HPF1: variants seen among roughly 807,000 people sequenced by gnomAD.
HPF1 encodes histone PARylation factor 1.
HPF1 carries 35 observed loss-of-function variants against 38.8 expected under a neutral mutation model. That is an observed-to-expected ratio of 0.90 (90% CI 0.69 to 1.19). The LOEUF (loss-of-function observed/expected upper bound fraction) is 1.19. Ranked by LOEUF, HPF1 falls within the 50% of genes most tolerant of loss-of-function variation. The probability of loss-of-function intolerance (pLI) is 0.00; values close to 1 mark genes in which losing one functional copy is unlikely to be tolerated. For synonymous variants in HPF1, 115 were observed against 139.2 expected (o/e 0.83, Z 1.22); for missense variants, 367 against 405.8 (o/e 0.90, Z 0.82).
intron 7 of HPF1, among the ~76,000 whole-genome samples, chr4:169,731,239 T>A (rs533897904): frequency 1.3e-5 from 2 of 152,352 alleles, no homozygotes; most frequent in East Asian, 3.9e-4. Flanking sequence ...TAAAACAGCA[T>A]CTCTTATAAA....
At chr4:169,755,106 GA>G (rs1581325238) in intron 1 of HPF1, among the ~76,000 whole-genome samples, 1 of 119,498 alleles carries the variant, frequency 8.4e-6, no homozygotes, top group East Asian at 2.6e-4. Flanking sequence ...TCAGTAGTCT[GA>G]AGTTTATTAA....
intron 5 of HPF1, among the ~76,000 whole-genome samples, chr4:169,740,653 G>T (rs985648395): frequency 6.6e-6 from 1 of 152,182 alleles, no homozygotes; most frequent in East Asian, 1.9e-4. Context: ...TTAAAAACAT[G>T]ATTGTCTTGA....
At chr4:169,747,504 C>T (rs950761921) in intron 4 of HPF1, among the ~76,000 whole-genome samples, 5 of 152,032 alleles carry the variant, frequency 3.3e-5, no homozygotes, top group Admixed American at 1.3e-4. Context: ...AGAGACAGTA[C>T]TAAAAGAGGT....
intron 5 of HPF1, among the ~76,000 whole-genome samples, chr4:169,741,606 A>AATGT (rs1392283460): frequency 2.0e-5 from 3 of 152,240 alleles, no homozygotes; most frequent in African/African-American, 7.2e-5. Context: ...TACTGGAGAA[A>AATGT]ATGTATGTAT....
intron 1 of HPF1, among the ~76,000 whole-genome samples, chr4:169,755,982 G>T (rs904039204): frequency 3.3e-5 from 5 of 152,028 alleles, no homozygotes; most frequent in African/African-American, 1.2e-4. Context: ...ATTATGCCAA[G>T]GATTATAATG....
At position 169,741,984 on chromosome 4, in the gene HPF1, G is replaced by T; in HGVS notation, c.621C>A (p.Thr207=). 6.2e-7 allele frequency: 1 copy of T among 1,613,434 alleles called. No homozygotes were observed. The change falls in exon 5 of 8, where the codon ACC becomes ACA. Residue 207 remains threonine (T), a synonymous_variant. Transcript: ENST00000393381. Reference sequence around the variant, plus strand: ...TCTTATCTCTCTGTTTCATCTTCACGGTTCTCTGTTCAAGCGAGTACCCCA... The same window carrying T: ...TCTTATCTCTCTGTTTCATCTTCACTGTTCTCTGTTCAAGCGAGTACCCCA... ...RELGYSLEQR[T]VKMKQRDKKV...
intron 2 of HPF1, among the ~76,000 whole-genome samples, chr4:169,753,028 G>GTTTTT (rs71590035): frequency 0.039 from 4,036 of 103,866 alleles, 352 homozygotes; most frequent in African/African-American, 0.095. Flanking sequence ...CCTTGGTTAG[G>GTTTTT]TTTTTTTTTT....
chr4:169,757,785 C>T (rs1242712069), intron 1 of HPF1, 45 bp downstream of exon 1: 1 of 1,522,542 alleles, frequency 6.6e-7, no homozygotes, highest in Non-Finnish European at 8.8e-7. Flanking sequence ...CCCTGGCTGT[C>T]ACCCAAAGCG....
In HPF1 at chr4:169,733,046, T is replaced by TA. The variant is rs923235590; in HGVS notation, c.737-1171dup. Among the ~76,000 whole-genome samples the TA allele has an allele frequency of 3.3e-5, 5 of 152,090 alleles. 1 individual carries two copies. Among genetic ancestry groups the TA allele is most frequent in the South Asian group, 4.2e-4 (2 of 4,816 alleles). On this transcript the variant is annotated intron_variant, in intron 6 of 7. Transcript: ENST00000393381. ...TTTTGCCCTGTCCTACCTTGTTTGC[T>TA]AAAAAAAATTACTGACTTGTGACTT...
intron 4 of HPF1, among the ~76,000 whole-genome samples, chr4:169,742,662 G>C (rs777193526): frequency 6.6e-6 from 1 of 152,146 alleles, no homozygotes; most frequent in Non-Finnish European, 1.5e-5. Flanking sequence ...CGTGATGGCG[G>C]GCGCCTGTAG....
At chr4:169,747,759 G>A (rs1214315092) in intron 4 of HPF1, among the ~76,000 whole-genome samples, 1 of 152,144 alleles carries the variant, frequency 6.6e-6, no homozygotes, top group Non-Finnish European at 1.5e-5. Context: ...GCAATACTTT[G>A]AAATCTCAGA....
chr4:169,732,669 C>A (rs1379543609), intron 6 of HPF1, among the ~76,000 whole-genome samples: 1 of 152,158 alleles, frequency 6.6e-6, no homozygotes, highest in African/African-American at 2.4e-5. Flanking sequence ...TACTATCTGG[C>A]TGTACATGGA....
chr4:169,735,918 G>A (rs1733885870), intron 6 of HPF1, among the ~76,000 whole-genome samples: 1 of 143,460 alleles, frequency 7.0e-6, no homozygotes, highest in Admixed American at 6.8e-5. Flanking sequence ...AACAGGTGGG[G>A]CAGGAGAAGG....
At chr4:169,756,662 A>G (rs1734191747) in intron 1 of HPF1, among the ~76,000 whole-genome samples, 1 of 152,206 alleles carries the variant, frequency 6.6e-6, no homozygotes, top group Non-Finnish European at 1.5e-5. Context: ...ATATGTAAAA[A>G]TACACAGAAC....
chr4:169,750,401 A>C, intron 3 of HPF1, 135 bp downstream of exon 3: 2 of 587,568 alleles, frequency 3.4e-6, no homozygotes, highest in Non-Finnish European at 5.8e-6. Context: ...GGTAACAGCA[A>C]GAACAACAGA....
chr4:169,733,439 A>C (rs1175532099), intron 6 of HPF1, among the ~76,000 whole-genome samples: 2 of 152,168 alleles, frequency 1.3e-5, no homozygotes, highest in African/African-American at 4.8e-5. Context: ...TATTCAAACA[A>C]ACCAACAAAA....
chr4:169,754,170 G>A (rs549979938), intron 1 of HPF1, among the ~76,000 whole-genome samples: 2 of 152,344 alleles, frequency 1.3e-5, no homozygotes, highest in Non-Finnish European at 2.9e-5. Context: ...TTGGTTAAAG[G>A]TGTGAGTCTT....
intron 1 of HPF1, among the ~76,000 whole-genome samples, chr4:169,756,861 C>T (rs1734193771): frequency 6.6e-6 from 1 of 152,182 alleles, no homozygotes; most frequent in Admixed American, 6.5e-5. Context: ...CTCCATAGCC[C>T]TAACAACTAG....
At chr4:169,737,793 C>CA (rs369063413) in intron 5 of HPF1, 46 bp from the exon 6 acceptor site, 163,572 of 935,326 alleles carry the variant, frequency 0.17, 4,404 homozygotes, top group Admixed American at 0.27. Flanking sequence ...AAGCAGACAT[C>CA]AAAAAAAAAA....
Sources: allele counts gnomAD v4.1 joint callset (sites outside exome capture counted in the v4.1 genomes callset), GRCh38; gene constraint gnomAD v4.1.1; transcripts MANE v1.5; gene names NCBI Gene and HGNC (gene_info 2026-07-23, HGNC 2026-07-21).